JMJD1C: variants seen among roughly 807,000 people sequenced by gnomAD.
JMJD1C encodes the protein jumonji domain-containing protein 1C.
JMJD1C carries 31 observed loss-of-function variants against 245.3 expected under a neutral mutation model. The observed-to-expected ratio is 0.13, with a 90% CI of 0.09 to 0.17. The LOEUF is 0.17. JMJD1C is among the 10% of genes least tolerant of loss of function. The pLI is 1.00. For synonymous variants in JMJD1C, 1,057 were observed against 1,017.4 expected, an observed-to-expected ratio of 1.04 and a Z score of -0.74; for missense variants, 2,691 against 3,000.2, an observed-to-expected ratio of 0.90 and a Z score of 2.41.
intron 3 of JMJD1C, among the ~76,000 whole-genome samples, chr10:63,224,870 T>C (rs1849054179): frequency 1.3e-5 from 2 of 152,010 alleles, no homozygotes; most frequent in African/African-American, 4.8e-5. Context: ...GAGACCATCC[T>C]GGCCAACATG....
chr10:63,218,653 A>G (rs1407247088), intron 4 of JMJD1C, among the ~76,000 whole-genome samples: 3 of 152,248 alleles, frequency 2.0e-5, no homozygotes, highest in East Asian at 3.9e-4. Flanking sequence ...TAGAATGAAT[A>G]GGGACTATAC....
intron 2 of JMJD1C, among the ~76,000 whole-genome samples, chr10:63,295,125 T>C (rs1245272750): frequency 6.6e-6 from 1 of 152,158 alleles, no homozygotes; most frequent in African/African-American, 2.4e-5. Context: ...TCTCTCCGTG[T>C]CGTTGGGGCT....
chr10:63,511,284 CTG>C (rs940304987), intron 1 of JMJD1C, among the ~76,000 whole-genome samples: 73 of 152,302 alleles, frequency 4.8e-4, no homozygotes, highest in African/African-American at 1.7e-3. Flanking sequence ...GTGGTTTTAA[CTG>C]AGCACATTAT....
chr10:63,270,061 G>A (rs1216845114), intron 2 of JMJD1C, among the ~76,000 whole-genome samples: 1 of 152,120 alleles, frequency 6.6e-6, no homozygotes, highest in Non-Finnish European at 1.5e-5. Flanking sequence ...ATAAAATACT[G>A]TAAAATTAAT....
intron 1 of JMJD1C, among the ~76,000 whole-genome samples, chr10:63,419,430 G>A (rs1949991546): frequency 6.6e-6 from 1 of 151,950 alleles, no homozygotes; most frequent in Admixed American, 6.6e-5. Flanking sequence ...TAAGTTTGGG[G>A]GTTTTAAGCC....
rs200197205 is a variant in JMJD1C at position 63,207,114 on chromosome 10, C to T, written c.4555G>A (p.Asp1519Asn). The T allele has an allele frequency of 8.1e-6, 13 of 1,614,030 alleles. No individual in the cohort carries two copies. The highest frequency in any genetic ancestry group is 8.0e-5 in the African/African-American group (6 of 74,898). The change falls in exon 10 of 26, where the codon GAT (aspartate) becomes AAT (asparagine). Residue 1519 changes from aspartate to asparagine, a missense_variant. Transcript: ENST00000399262. ...NQTLSASLPL[D>N]STVICSTINK... ...ATTGTACTACAGATTACAGTGCTAT[C>T]CAGAGGAAGGGAGGCTGAAAGTGTC...
intron 3 of JMJD1C, among the ~76,000 whole-genome samples, chr10:63,240,996 C>A (rs1851408099): frequency 6.6e-6 from 1 of 152,132 alleles, no homozygotes; most frequent in Non-Finnish European, 1.5e-5. Context: ...TAAGACAAAG[C>A]AAATGAGTAA....
At chr10:63,413,554 T>C (rs1482497956) in intron 1 of JMJD1C, among the ~76,000 whole-genome samples, 10 of 152,222 alleles carry the variant, frequency 6.6e-5, no homozygotes, top group Admixed American at 2.6e-4. Context: ...GCTAAACTTC[T>C]TTCTGGTGGG....
chr10:63,317,627 C>T (rs944128155), intron 2 of JMJD1C, among the ~76,000 whole-genome samples: 1 of 152,060 alleles, frequency 6.6e-6, no homozygotes, highest in African/African-American at 2.4e-5. Flanking sequence ...AATATGAAAA[C>T]ATTTCGTACA....
At chr10:63,343,577 G>A (rs1434939033) in intron 2 of JMJD1C, among the ~76,000 whole-genome samples, 1 of 152,052 alleles carries the variant, frequency 6.6e-6, no homozygotes, top group South Asian at 2.1e-4. Context: ...TAGCTTGAAT[G>A]TAAAATATGA....
In JMJD1C at chr10:63,228,999, A is replaced by T. The variant is rs150797346; in HGVS notation, c.448-9016T>A. ...ATTACATTCAGAGATTGGAATCATC[A>T]TCTTCTCTGGGCTCTCAAGTAAAGT... On this transcript the variant is annotated intron_variant, in intron 3 of 25. Coordinates refer to ENST00000399262, the MANE Select transcript of JMJD1C (RefSeq NM_032776.3). Among the ~76,000 whole-genome samples the T allele has an allele frequency of 3.2e-3, 484 of 152,282 alleles. 2 individuals carry two copies. Among genetic ancestry groups the T allele is most frequent in the Non-Finnish European group, 5.7e-3 (387 of 68,014 alleles).
At chr10:63,464,610 G>C (rs972418480) in intron 1 of JMJD1C, among the ~76,000 whole-genome samples, 1 of 151,730 alleles carries the variant, frequency 6.6e-6, no homozygotes, top group African/African-American at 2.4e-5. Context: ...GAATGTACTT[G>C]GAACACAACA....
In JMJD1C at chr10:63,431,706, T is replaced by C. The variant is rs560402167; in HGVS notation, c.168+33789A>G. ...CTCAGGGTCCCCAGGTTTTGGGGTA[T>C]GCACTGTGAAAAAGTACTCACTTGC... is the stretch of plus-strand genomic sequence containing the variant. On this transcript the variant is annotated intron_variant, in intron 1 of 25. Coordinates refer to ENST00000399262, the MANE Select transcript of JMJD1C (RefSeq NM_032776.3). 7.9e-5 allele frequency among the ~76,000 whole-genome samples: 12 copies of C among 152,328 alleles called. No individual in the cohort carries two copies. In the South Asian group the frequency reaches 2.5e-3, roughly 32 times the overall value.
chr10:63,336,608 T>C (rs1422457127), intron 2 of JMJD1C, among the ~76,000 whole-genome samples: 2 of 151,946 alleles, frequency 1.3e-5, no homozygotes, highest in Non-Finnish European at 2.9e-5. Flanking sequence ...AAGAATGAGA[T>C]AGTTAATCTA....
At chr10:63,231,407 A>G (rs1220669840) in intron 3 of JMJD1C, among the ~76,000 whole-genome samples, 1 of 152,166 alleles carries the variant, frequency 6.6e-6, no homozygotes, top group Non-Finnish European at 1.5e-5. Flanking sequence ...CACAATCAAA[A>G]ACACTGATTA....
At chr10:63,395,644 C>G (rs1297161119) in intron 1 of JMJD1C, among the ~76,000 whole-genome samples, 1 of 152,062 alleles carries the variant, frequency 6.6e-6, no homozygotes, top group African/African-American at 2.4e-5. Context: ...TACACAAAAA[C>G]CTGTACATGA....
intron 8 of JMJD1C, among the ~76,000 whole-genome samples, chr10:63,209,546 A>C (rs1258294894): frequency 6.6e-6 from 1 of 152,204 alleles, no homozygotes; most frequent in Non-Finnish European, 1.5e-5. Context: ...CCTAGTTTAT[A>C]TGATTTCCTG....
At chr10:63,495,543 G>A (rs1487884094) in intron 1 of JMJD1C, among the ~76,000 whole-genome samples, 7 of 152,138 alleles carry the variant, frequency 4.6e-5, no homozygotes, top group Admixed American at 6.5e-5. Context: ...AAGCCGAGGC[G>A]GGCAGATCAC....
intron 3 of JMJD1C, among the ~76,000 whole-genome samples, chr10:63,244,863 GC>G (rs777297794): frequency 2.6e-4 from 40 of 151,606 alleles, no homozygotes; most frequent in Non-Finnish European, 4.6e-4. Context: ...AAGGCTGGGT[GC>G]GGTGGCTCAC....
Sources: gnomAD v4.1 joint callset for allele counts (sites outside exome capture counted in the v4.1 genomes callset) on GRCh38, gnomAD v4.1.1 for gene constraint, MANE v1.5 for transcripts, NCBI Gene and HGNC (gene_info 2026-07-23, HGNC 2026-07-21) for gene names.